VRK2: variants seen among roughly 807,000 people sequenced by gnomAD.
VRK2 encodes VRK serine/threonine kinase 2.
VRK2 carries 60 observed loss-of-function variants against 57.6 expected under a neutral mutation model. The observed-to-expected ratio is 1.04, with a 90% CI of 0.85 to 1.29. VRK2 has a LOEUF of 1.29. Among genes scored for constraint, VRK2 ranks in the 50% most tolerant of loss-of-function variants. The pLI is 0.00. For missense variants in VRK2, 705 were observed against 588.1 expected (o/e 1.20, Z -2.06); for synonymous variants, 231 against 199.2 (o/e 1.16, Z -1.35).
intron 2 of VRK2, among the ~76,000 whole-genome samples, chr2:58,074,263 G>C (rs756272469): frequency 1.3e-5 from 2 of 151,806 alleles, no homozygotes; most frequent in South Asian, 4.2e-4. Context: ...CTTTTAATTG[G>C]TGTATTTAGA....
intron 1 of VRK2, among the ~76,000 whole-genome samples, chr2:57,999,659 T>C (rs1240168340): frequency 1.3e-5 from 2 of 152,196 alleles, no homozygotes; most frequent in South Asian, 2.1e-4. Flanking sequence ...TCTTGGGTTA[T>C]ATATCAAAAC....
intron 2 of VRK2, among the ~76,000 whole-genome samples, chr2:58,057,801 G>A (rs1388490848): frequency 4.6e-5 from 7 of 151,960 alleles, no homozygotes; most frequent in Non-Finnish European, 1.0e-4. Context: ...GTTTGAGGTC[G>A]GGAATTTTCT....
At chr2:58,118,101 C>T (rs1036888652) in intron 7 of VRK2, among the ~76,000 whole-genome samples, 10 of 152,024 alleles carry the variant, frequency 6.6e-5, no homozygotes, top group African/African-American at 2.4e-4. Flanking sequence ...TTGCCCCTCC[C>T]CCAGAAAAGT....
At chr2:58,024,049 G>A (rs1673845973) in intron 1 of VRK2, among the ~76,000 whole-genome samples, 1 of 149,892 alleles carries the variant, frequency 6.7e-6, no homozygotes, top group Admixed American at 6.7e-5. Flanking sequence ...CGCTGTCTCA[G>A]CTCATGGCTC....
At chr2:57,961,793 T>C (rs1328658844) in intron 1 of VRK2, among the ~76,000 whole-genome samples, 2 of 152,180 alleles carry the variant, frequency 1.3e-5, no homozygotes, top group Admixed American at 6.5e-5. Flanking sequence ...AGAATATGTG[T>C]GGGCTGGGGG....
At chr2:57,909,755 C>T (rs915662697) in intron 1 of VRK2, among the ~76,000 whole-genome samples, 3 of 152,116 alleles carry the variant, frequency 2.0e-5, no homozygotes, top group African/African-American at 7.2e-5. Context: ...TTCCTTCTAA[C>T]TCTTAATAGA....
chr2:58,132,071 A>T, intron 9 of VRK2, 143 bp downstream of exon 9: 1 of 1,037,748 alleles, frequency 9.6e-7, no homozygotes, highest in East Asian at 2.8e-5. Context: ...TATGTTTTAA[A>T]AAAACCAAAC....
Position 58,086,438 on chromosome 2 carries a change from T to A in VRK2, c.344+12T>A, listed in dbSNP as rs543015470. On this transcript the variant is annotated intron_variant, in intron 5 of 12. Coordinates refer to ENST00000340157, the MANE Select transcript of VRK2 (RefSeq NM_006296.7). ...TTCAAGGGAAGAAGGTAAAATGGAA[T>A]TATTATAATCAAATATTTCTTTATA... 9 of 1,565,926 alleles carry A rather than the reference T, an allele frequency of 5.7e-6. No individual in the cohort carries two copies. The African/African-American group carries it at 6.9e-5, about 12-fold the overall frequency.
chr2:58,148,433 C>T (rs1682487379), intron 12 of VRK2, among the ~76,000 whole-genome samples: 1 of 151,816 alleles, frequency 6.6e-6, no homozygotes. Flanking sequence ...GATATCCTCT[C>T]CTAGCATGCG....
intron 2 of VRK2, among the ~76,000 whole-genome samples, chr2:58,082,241 G>A (rs759162067): frequency 1.3e-5 from 2 of 151,908 alleles, no homozygotes; most frequent in Admixed American, 6.6e-5. Flanking sequence ...GATTGAAATA[G>A]GCAAGGAGTC....
At chr2:58,101,427 A>G (rs890942012) in intron 7 of VRK2, among the ~76,000 whole-genome samples, 2 of 151,716 alleles carry the variant, frequency 1.3e-5, no homozygotes, top group East Asian at 1.9e-4. Context: ...ACAATTCACT[A>G]TATTATCAGA....
intron 1 of VRK2, among the ~76,000 whole-genome samples, chr2:57,989,809 C>T (rs949263339): frequency 6.6e-6 from 1 of 152,030 alleles, no homozygotes; most frequent in Non-Finnish European, 1.5e-5. Context: ...TGTTTATCTC[C>T]TGTTTGTTTT....
intron 7 of VRK2, among the ~76,000 whole-genome samples, chr2:58,116,281 C>T (rs879079287): frequency 1.3e-5 from 2 of 150,160 alleles, no homozygotes; most frequent in South Asian, 2.1e-4. Flanking sequence ...TGGGGGAATA[C>T]AAAAGGAGGA....
In VRK2 at chr2:57,967,385, T is replaced by G. The variant is rs543104056; in HGVS notation, c.-438-58280T>G. 1.7e-4 allele frequency among the ~76,000 whole-genome samples: 26 copies of G among 151,882 alleles called. 1 individual carries two copies. The East Asian group carries it at 3.7e-3, about 21-fold the overall frequency. ...ACTTAAAGTATAATAATAATAATAA[T>G]AAGATAGATAATCTCATGTAGTTTG... On this transcript the variant is annotated intron_variant, in intron 1 of 15. Coordinates refer to the VRK2 transcript ENST00000417641.
At chr2:58,067,639 A>C (rs1316400933) in intron 2 of VRK2, among the ~76,000 whole-genome samples, 1 of 151,812 alleles carries the variant, frequency 6.6e-6, no homozygotes, top group Admixed American at 6.6e-5. Context: ...ATTTTTTTCC[A>C]TTAAGTCCTG....
At chr2:58,011,903 T>C (rs1460390746) in intron 1 of VRK2, among the ~76,000 whole-genome samples, 2 of 152,162 alleles carry the variant, frequency 1.3e-5, no homozygotes, top group Non-Finnish European at 2.9e-5. Flanking sequence ...TGGCTTATAA[T>C]TCAATCCTCT....
chr2:57,973,760 A>G (rs1249136817), intron 1 of VRK2, among the ~76,000 whole-genome samples: 1 of 151,866 alleles, frequency 6.6e-6, no homozygotes, highest in African/African-American at 2.4e-5. Context: ...ACTTCCTGAG[A>G]GGTTTTCACT....
intron 1 of VRK2, among the ~76,000 whole-genome samples, chr2:57,932,478 A>G (rs1210084278): frequency 1.3e-5 from 2 of 152,268 alleles, no homozygotes; most frequent in African/African-American, 2.4e-5. Context: ...ATCCAATTTC[A>G]TTGCCATATA....
chr2:57,934,449 G>C (rs1346467781), intron 1 of VRK2, among the ~76,000 whole-genome samples: 2 of 152,126 alleles, frequency 1.3e-5, no homozygotes, highest in Non-Finnish European at 2.9e-5. Flanking sequence ...ATAGACTTAT[G>C]GTAGTTTCCC....
Sources: gnomAD v4.1 joint callset for allele counts (sites outside exome capture counted in the v4.1 genomes callset) on GRCh38, gnomAD v4.1.1 for gene constraint, MANE v1.5 for transcripts, NCBI Gene and HGNC (gene_info 2026-07-23, HGNC 2026-07-21) for gene names.